AATK: variants seen among roughly 807,000 people sequenced by gnomAD.
AATK encodes serine/threonine-protein kinase LMTK1.
AATK carries 91 observed loss-of-function variants against 114.3 expected under a neutral mutation model. That is an observed-to-expected ratio of 0.80 (90% CI 0.67 to 0.95). The LOEUF (loss-of-function observed/expected upper bound fraction) is 0.95, where lower values mean the gene tolerates loss of function less well. Among genes scored for constraint, AATK ranks in the 40% least tolerant of loss-of-function variants. The pLI is 0.00. For missense variants in AATK, 2,176 were observed against 1,965.2 expected, an observed-to-expected ratio of 1.11 and a Z score of -2.03; for synonymous variants, 1,075 against 916.5, an observed-to-expected ratio of 1.17 and a Z score of -3.12.
Position 81,122,672 on chromosome 17 carries a change from C to T in AATK, c.1264G>A (p.Gly422Ser). The change falls in exon 11 of 14, where the codon GGC becomes AGC. Residue 422 changes from glycine (G) to serine (S), a missense_variant. Physicochemically the swap from Gly to Ser is moderately conservative, Grantham distance 56 (BLOSUM62 0). Coordinates refer to ENST00000326724, the MANE Select transcript of AATK (RefSeq NM_001080395.3). ...RRWRSLRPGG[G>S]GVGPGPGAAG... ...GCACCGGGCCCGGGCCCCACGCCGC[C>T]CCCGCCGGGCCGCAGAGAGCGCCAG... is the stretch of plus-strand genomic sequence containing the variant. 7.9e-6 allele frequency: 12 copies of T among 1,517,020 alleles called. No individual in the cohort carries two copies. Among genetic ancestry groups the T allele is most frequent in the Non-Finnish European group, 1.1e-5 (12 of 1,129,322 alleles). The allele number at this position is 1,517,020 out of a possible 1,614,324, so 94.0% of individuals were successfully genotyped here. A position where few individuals can be genotyped will look rare whatever the true frequency, so the allele number is the denominator to read the frequency against.
intron 6 of AATK, 49 bp downstream of exon 6, chr17:81,127,533 AG>A: frequency 6.6e-7 from 1 of 1,526,138 alleles, no homozygotes; most frequent in Non-Finnish European, 8.9e-7. Flanking sequence ...AGGGCAAGGG[AG>A]GGCCCCGGCT....
chr17:81,119,517 G>T lies in AATK; in HGVS notation c.3947C>A (p.Ala1316Asp). The change falls in exon 13 of 14, where the codon GCC becomes GAC. Residue 1316 changes from alanine (A) to aspartate (D), a missense_variant. Ala to Asp is a moderately radical substitution (Grantham distance 126, BLOSUM62 -2). Transcript: ENST00000326724. The part of the protein sequence containing the change: ...LMTAKAAFAM[A>D]LDPAAPAPAA... ...CGGGGCGGGTGCGGCCGGGTCTAGG[G>T]CCATGGCGAAGGCTGCCTTGGCCGT... The T allele has an allele frequency of 6.4e-7, 1 of 1,568,980 alleles. No individual in the cohort carries two copies. Among genetic ancestry groups the T allele is most frequent in the East Asian group, 2.4e-5 (1 of 42,250 alleles).
chr17:81,139,103 C>G (rs1355489764), intron 1 of AATK, among the ~76,000 whole-genome samples: 2 of 152,248 alleles, frequency 1.3e-5, no homozygotes, highest in African/African-American at 4.8e-5. Flanking sequence ...CACACATCCC[C>G]TGGCTCAGTC....
At chr17:81,134,222 G>T (rs557223699) in intron 2 of AATK, 146 bp downstream of exon 2, 1 of 1,059,412 alleles carries the variant, frequency 9.4e-7, no homozygotes, top group Non-Finnish European at 1.4e-6. Context: ...CAGGGTCCAC[G>T]TGGTCCCCAG....
At position 81,120,015 on chromosome 17, in the gene AATK, C is replaced by G. The variant is rs569987260; in HGVS notation, c.3804G>C (p.Arg1268Ser). The G allele has an allele frequency of 1.5e-5, 22 of 1,452,096 alleles. No homozygotes were observed. In the African/African-American group the frequency reaches 3.1e-4, roughly 20 times the overall value. 90.0% of individuals were successfully genotyped at this position (1,452,096 alleles called of 1,614,324 possible). ...GAKESPPTFL[R>S]GSPGSPSAPN... ...GGGCGCTGGGAGAGCCGGGGCTCCC[C>G]CTAAGGAACGTAGGGGGCGATTCCT... Residue 1268 changes from arginine (R) to serine (S), a missense_variant, in exon 12 of 14, where the codon AGG (arginine) becomes AGC (serine). Arg to Ser is a moderately radical substitution (Grantham distance 110). This residue lies in a region of AATK where 1,701 missense variants were observed against 1,394.7 expected (regional missense o/e 1.22). Transcript: ENST00000326724.
chr17:81,150,471 A>G (rs1442927654), intron 1 of AATK, among the ~76,000 whole-genome samples: 3 of 121,632 alleles, frequency 2.5e-5, no homozygotes, highest in African/African-American at 9.5e-5. Context: ...CTCACTGCCC[A>G]TTCCCCCAGA....
chr17:81,138,754 C>T (rs765816726), intron 1 of AATK, among the ~76,000 whole-genome samples: 15 of 151,018 alleles, frequency 9.9e-5, no homozygotes, highest in Admixed American at 4.0e-4. Context: ...TACCAACACG[C>T]GCATGCACAC....
chr17:81,156,674 G>T (rs1456108688), intron 1 of AATK, among the ~76,000 whole-genome samples: 1 of 152,252 alleles, frequency 6.6e-6, no homozygotes, highest in Non-Finnish European at 1.5e-5. Context: ...TGGGATTACA[G>T]GTGTGAGCCA....
chr17:81,121,990 C>T lies in AATK; in HGVS notation c.1946G>A (p.Gly649Glu). ...FEDPLGTSPL[G>E]SSGAPPLPLT... ...CGGCAGCGGGGGCGCCCCTGAGCTC[C>T]CCAAAGGGGACGTGCCCAGTGGGTC... Residue 649 changes from glycine (G) to glutamate (E), a missense_variant, in exon 11 of 14, where the codon GGG becomes GAG. Physicochemically the swap from Gly to Glu is moderately conservative, Grantham distance 98. Transcript: ENST00000326724. The T allele has an allele frequency of 1.2e-6, 2 of 1,602,088 alleles. No homozygotes were observed. The highest frequency in any genetic ancestry group is 1.7e-6 in the Non-Finnish European group (2 of 1,179,120).
Position 81,127,869 on chromosome 17 carries a change from C to T in AATK, c.456G>A (p.Gln152=), listed in dbSNP as rs1240954949. 6.5e-7 allele frequency: 1 copy of T among 1,549,164 alleles called. No homozygotes were observed. The highest frequency in any genetic ancestry group is 8.7e-7 in the Non-Finnish European group (1 of 1,146,984). ...TAGCCTGCAGCTCCTTCACCACCAC[C>T]TGGGCACTGCTGATGCCAGAGTTCA... The part of the protein sequence containing the change: ...GEVNSGISSA[Q]VVVKELQASA... Residue 152 remains glutamine (Q), a synonymous_variant, in exon 5 of 14, where the codon CAG becomes CAA. Coordinates refer to ENST00000326724, the MANE Select transcript of AATK (RefSeq NM_001080395.3).
chr17:81,144,035 G>T (rs1179923698), intron 1 of AATK, among the ~76,000 whole-genome samples: 1 of 152,058 alleles, frequency 6.6e-6, no homozygotes, highest in Non-Finnish European at 1.5e-5. Context: ...GGCCAGGGTG[G>T]CCAGCACATA....
At chr17:81,154,479 C>A (rs2061337487) in intron 1 of AATK, among the ~76,000 whole-genome samples, 1 of 151,604 alleles carries the variant, frequency 6.6e-6, no homozygotes. Flanking sequence ...CACCACCATG[C>A]CCTGCTAATT....
At chr17:81,142,892 G>A (rs1247620842) in intron 1 of AATK, among the ~76,000 whole-genome samples, 1 of 152,190 alleles carries the variant, frequency 6.6e-6, no homozygotes, top group Non-Finnish European at 1.5e-5. Context: ...CGCCCACCAG[G>A]TGGCACTCTC....
intron 1 of AATK, among the ~76,000 whole-genome samples, chr17:81,151,673 G>A (rs940675343): frequency 4.6e-5 from 7 of 152,240 alleles, no homozygotes; most frequent in African/African-American, 9.6e-5. Context: ...AAAAGACACC[G>A]TCTCAACACC....
chr17:81,120,878 C>T lies in AATK; in HGVS notation c.3058G>A (p.Ala1020Thr). ...GGCAGGCCCAGCTCTGGCCCGGGGG[C>T]TCGGTCCCCGCCGCACTTCTTCTCT... Reference protein sequence around the residue: ...GPEKKCGGDRAPGPELGLPST... With the variant: ...GPEKKCGGDRTPGPELGLPST... Residue 1020 changes from alanine to threonine, a missense_variant, in exon 11 of 14, where the codon GCC (alanine) becomes ACC (threonine). Physicochemically the swap from Ala to Thr is moderately conservative, Grantham distance 58 (BLOSUM62 0). Coordinates refer to ENST00000326724, the MANE Select transcript of AATK (RefSeq NM_001080395.3). 1 of 1,579,086 alleles carries T rather than the reference C, an allele frequency of 6.3e-7. No individual in the cohort carries two copies. Among genetic ancestry groups the T allele is most frequent in the Non-Finnish European group, 8.6e-7 (1 of 1,162,872 alleles).
chr17:81,160,205 A>C, intron 1 of AATK: 1 of 960,676 alleles, frequency 1.0e-6, no homozygotes, highest in South Asian at 4.8e-5. Flanking sequence ...GTGGGAGCAC[A>C]GCCCGCATCC....
chr17:81,119,872 C>T, intron 12 of AATK, 64 bp downstream of exon 12: 1 of 1,399,526 alleles, frequency 7.1e-7, no homozygotes, highest in Non-Finnish European at 9.2e-7. Flanking sequence ...GCCCCGCCTC[C>T]CACACAGCAC....
chr17:81,145,366 G>A (rs1448393457), intron 1 of AATK, among the ~76,000 whole-genome samples: 1 of 152,120 alleles, frequency 6.6e-6, no homozygotes, highest in African/African-American at 2.4e-5. Context: ...ATTTCTGAAT[G>A]GAGAAGGATT....
rs200480348 is a variant in AATK, at chr17:81,121,871, C to T, written c.2065G>A (p.Gly689Ser). Residue 689 changes from glycine to serine, a missense_variant, in exon 11 of 14, where the codon GGC becomes AGC. By Grantham distance (56) the Gly-to-Ser change is moderately conservative. This residue lies in a region of AATK where 1,701 missense variants were observed against 1,394.7 expected (regional missense o/e 1.22). Coordinates refer to ENST00000326724, the MANE Select transcript of AATK (RefSeq NM_001080395.3). ...TCCCAGGACTCTGGACAGCGGCTGC[C>T]GCTGTTGTTGTTGGCTGACACGTTG... is the stretch of plus-strand genomic sequence containing the variant. ...RSNVSANNNS[G>S]SRCPESWDPV... is the part of the protein sequence containing the mutation. 1.9e-4 allele frequency: 299 copies of T among 1,598,592 alleles called. No individual in the cohort carries two copies. The African/African-American group carries it at 3.0e-3, about 16-fold the overall frequency.
Sources: allele counts gnomAD v4.1 joint callset (sites outside exome capture counted in the v4.1 genomes callset), GRCh38; gene constraint gnomAD v4.1.1; regional missense constraint gnomAD v4.1.1; transcripts MANE v1.5; gene names NCBI Gene and HGNC (gene_info 2026-07-23, HGNC 2026-07-21).